Variants in SYT14 observed in about 807,000 individuals in gnomAD.
SYT14 encodes synaptotagmin 14.
SYT14 carries 32 observed loss-of-function variants against 74.2 expected under a neutral mutation model. That is an observed-to-expected ratio of 0.43 (90% confidence interval 0.33 to 0.58). The LOEUF is 0.58. SYT14 is among the 20% of genes least tolerant of loss of function. The pLI is 0.05. For synonymous variants in SYT14, 298 were observed against 337.7 expected (o/e 0.88, Z 1.29); for missense variants, 791 against 981.8 (o/e 0.81, Z 2.60).
At chr1:209,971,462 A>G (rs1401623046) in intron 2 of SYT14, among the ~76,000 whole-genome samples, 1 of 152,146 alleles carries the variant, frequency 6.6e-6, no homozygotes, top group African/African-American at 2.4e-5. Flanking sequence ...GTCTTGTTCC[A>G]GTTCTCAAGG....
intron 2 of SYT14, among the ~76,000 whole-genome samples, chr1:209,973,207 A>T (rs936956437): frequency 1.3e-5 from 2 of 149,566 alleles, no homozygotes; most frequent in East Asian, 2.0e-4. Context: ...CTTTCATTTC[A>T]TTTTATTTTA....
At chr1:210,084,488 A>G (rs1379335106) in intron 5 of SYT14, among the ~76,000 whole-genome samples, 1 of 151,798 alleles carries the variant, frequency 6.6e-6, no homozygotes, top group African/African-American at 2.4e-5. Flanking sequence ...TCATCTCTCA[A>G]CTCTTCTACT....
chr1:210,122,016 C>T (rs1312560960), intron 7 of SYT14, among the ~76,000 whole-genome samples: 2 of 13,824 alleles, frequency 1.4e-4, no homozygotes, highest in Non-Finnish European at 2.0e-4. Flanking sequence ...CTCGCTCTGT[C>T]GCCCAGGCTG....
chr1:210,102,999 C>A (rs1489975230), intron 7 of SYT14, among the ~76,000 whole-genome samples: 1 of 152,096 alleles, frequency 6.6e-6, no homozygotes, highest in Admixed American at 6.6e-5. Context: ...TTTGAATAAT[C>A]ACTTATTATT....
intron 7 of SYT14, among the ~76,000 whole-genome samples, chr1:210,129,170 C>G (rs1378154656): frequency 2.0e-5 from 3 of 152,150 alleles, no homozygotes; most frequent in Non-Finnish European, 2.9e-5. Context: ...AGTTAAGATT[C>G]TGTCAGTTTC....
chr1:209,965,613 T>A (rs1158972805), intron 2 of SYT14, among the ~76,000 whole-genome samples: 1 of 152,186 alleles, frequency 6.6e-6, no homozygotes, highest in Non-Finnish European at 1.5e-5. Flanking sequence ...GTTCTATTTT[T>A]AGTTCTTTGA....
chr1:210,120,513 C>T (rs2082438930), intron 7 of SYT14, among the ~76,000 whole-genome samples: 1 of 151,992 alleles, frequency 6.6e-6, no homozygotes, highest in African/African-American at 2.4e-5. Flanking sequence ...TGCTTAGATA[C>T]ACAAATACTT....
chr1:210,087,025 T>C (rs1252582392), intron 5 of SYT14, among the ~76,000 whole-genome samples: 2 of 152,220 alleles, frequency 1.3e-5, no homozygotes, highest in East Asian at 3.9e-4. Context: ...TATCTCATGC[T>C]GCCTTTCCCA....
intron 1 of SYT14, among the ~76,000 whole-genome samples, chr1:209,939,505 T>G (rs561127619): frequency 3.3e-5 from 5 of 152,332 alleles, no homozygotes; most frequent in African/African-American, 1.2e-4. Context: ...GCAAGACACA[T>G]TCAGACAGTT....
intron 1 of SYT14, among the ~76,000 whole-genome samples, chr1:209,945,031 C>G (rs2078800325): frequency 6.6e-6 from 1 of 152,138 alleles, no homozygotes; most frequent in Admixed American, 6.6e-5. Flanking sequence ...GCTTCTCCCT[C>G]TCTTGTCTGC....
intron 5 of SYT14, among the ~76,000 whole-genome samples, chr1:210,078,685 GA>G (rs1161084744): frequency 6.6e-6 from 1 of 151,592 alleles, no homozygotes; most frequent in Non-Finnish European, 1.5e-5. Flanking sequence ...GTGGACTCTA[GA>G]AATATCAAGC....
chr1:209,975,774 G>C (rs963269689), intron 2 of SYT14, among the ~76,000 whole-genome samples: 1 of 152,144 alleles, frequency 6.6e-6, no homozygotes, highest in Non-Finnish European at 1.5e-5. Context: ...GTTTCAGAAG[G>C]AATGATACCA....
At chr1:210,024,029 A>G (rs1474777674) in intron 5 of SYT14, among the ~76,000 whole-genome samples, 1 of 152,206 alleles carries the variant, frequency 6.6e-6, no homozygotes, top group African/African-American at 2.4e-5. Flanking sequence ...AAATGTAGAG[A>G]ATGTTTCAGG....
chr1:210,058,696 A>G (rs1391375759), intron 5 of SYT14, among the ~76,000 whole-genome samples: 1 of 152,222 alleles, frequency 6.6e-6, no homozygotes, highest in Non-Finnish European at 1.5e-5. Flanking sequence ...AACCAGTGCT[A>G]GAGTGAGGTT....
chr1:210,075,287 GTTC>G (rs910741209), intron 5 of SYT14, among the ~76,000 whole-genome samples: 2 of 150,846 alleles, frequency 1.3e-5, no homozygotes, highest in Non-Finnish European at 2.9e-5. Context: ...CTGCTGATGT[GTTC>G]TTCTTGACGT....
chr1:209,992,514 A>ACATT (rs2079709721), intron 2 of SYT14, among the ~76,000 whole-genome samples: 1 of 152,290 alleles, frequency 6.6e-6, no homozygotes, highest in African/African-American at 2.4e-5. Flanking sequence ...GTAGTAATAG[A>ACATT]CATTGGCAAC....
intron 2 of SYT14, among the ~76,000 whole-genome samples, chr1:210,008,420 G>A (rs1170140071): frequency 6.6e-6 from 1 of 152,006 alleles, no homozygotes; most frequent in African/African-American, 2.4e-5. Flanking sequence ...CTGGAATGCA[G>A]TGGCGCGATC....
At chr1:210,126,333 T>C (rs1467816815) in intron 7 of SYT14, among the ~76,000 whole-genome samples, 1 of 147,406 alleles carries the variant, frequency 6.8e-6, no homozygotes, top group Non-Finnish European at 1.5e-5. Flanking sequence ...CTATTATCCT[T>C]AATTTATGGC....
At chr1:210,089,056 C>T (rs1321007501) in intron 5 of SYT14, among the ~76,000 whole-genome samples, 1 of 152,032 alleles carries the variant, frequency 6.6e-6, no homozygotes, top group African/African-American at 2.4e-5. Flanking sequence ...CATGCCCCAG[C>T]ATGTGATGTT....
Sources: gnomAD v4.1 joint callset for allele counts (sites outside exome capture counted in the v4.1 genomes callset) on GRCh38, gnomAD v4.1.1 for gene constraint, MANE v1.5 for transcripts, NCBI Gene and HGNC (gene_info 2026-07-23, HGNC 2026-07-21) for gene names.